The following IQGAP3 variants were observed in gnomAD, a reference collection of about 807,000 sequenced individuals.
IQGAP3 encodes the protein ras GTPase-activating-like protein IQGAP3.
Under a neutral mutation model 208.2 loss-of-function variants are expected in IQGAP3, and 165 were observed. The observed-to-expected ratio is 0.79, with a 90% CI of 0.70 to 0.90. The LOEUF is 0.90. Among genes scored for constraint, IQGAP3 ranks in the 40% least tolerant of loss-of-function variants. The probability of loss-of-function intolerance (pLI) is 0.00; values close to 1 mark genes in which losing one functional copy is unlikely to be tolerated. For synonymous variants in IQGAP3, 703 were observed against 803.6 expected (o/e 0.87, Z 2.12); for missense variants, 1,811 against 2,043.1 (o/e 0.89, Z 2.19).
Position 156,563,172 on chromosome 1 carries a change from G to A in IQGAP3, c.760C>T (p.Gln254Ter). 1.2e-6 allele frequency: 2 copies of A among 1,610,836 alleles called. No individual in the cohort carries two copies. Among genetic ancestry groups the A allele is most frequent in the African/African-American group, 1.3e-5 (1 of 75,000 alleles). The change falls in exon 8 of 38, where the codon CAG (glutamine) becomes TAG (stop). Residue 254 changes from glutamine to a stop codon, truncating the protein, a stop_gained. Transcript: ENST00000361170. LOFTEE classifies it high-confidence loss of function. ...LAAVYQEMLA[Q>*]AKMEKAANAR... ...TTGGCTGCCTTCTCCATCTTGGCCT[G>A]GGCCAGCATCTCTTGGTAGACGGCT...
Position 156,528,589 on chromosome 1 carries a change from C to T in IQGAP3, c.4593G>A (p.Lys1531=). 1 of 1,613,674 alleles carries T rather than the reference C, an allele frequency of 6.2e-7. No homozygotes were observed. The highest frequency in any genetic ancestry group is 8.5e-7 in the Non-Finnish European group (1 of 1,179,634). The change falls in exon 36 of 38, where the codon AAG becomes AAA. Residue 1531 remains lysine, a synonymous_variant. Coordinates refer to ENST00000361170, the MANE Select transcript of IQGAP3 (RefSeq NM_178229.5). The part of the protein sequence containing the change: ...PDSKSSGKGK[K]QPSLHYTAAQ... Reference sequence around the variant, plus strand: ...CAGCAGTGTAATGAAGAGAAGGCTGCTTCTTCCCCTTCCCAGAACTCCTGA... The same window carrying T: ...CAGCAGTGTAATGAAGAGAAGGCTGTTTCTTCCCCTTCCCAGAACTCCTGA...
intron 32 of IQGAP3, among the ~76,000 whole-genome samples, chr1:156,531,603 G>GT (rs34783419): frequency 0.27 from 32,621 of 120,386 alleles, 5,253 homozygotes; most frequent in East Asian, 0.52. Context: ...CAGCTCACTT[G>GT]TTTTTTTTTT....
chr1:156,555,834 T>C lies in IQGAP3; in HGVS notation c.1290+699A>G, dbSNP rs114116740. ...CACAACTTTAGTCACAATGCTTTACTTCTTAGTACTTATTTTATGCTTCCT... is the reference window on the plus strand; with the variant it reads ...CACAACTTTAGTCACAATGCTTTACCTCTTAGTACTTATTTTATGCTTCCT... On this transcript the variant is annotated intron_variant, in intron 12 of 37. Transcript: ENST00000361170. 9.7e-3 allele frequency among the ~76,000 whole-genome samples: 1,477 copies of C among 152,332 alleles called. 30 individuals carry two copies. Among genetic ancestry groups the C allele is most frequent in the African/African-American group, 0.034 (1,398 of 41,554 alleles).
Position 156,561,928 on chromosome 1 carries a change from T to C in IQGAP3, c.951A>G (p.Gln317=). ...CCCCTCGCAGGGCCAGGGCAGGGTC[T>C]TGAAGGGCCTTGAGCAAGGCTTCAG... ...QSPEALLKAL[Q]DPALALRGVR... Residue 317 remains glutamine (Q), a synonymous_variant, in exon 10 of 38, where the codon CAA becomes CAG. Transcript: ENST00000361170. 1.9e-6 allele frequency: 3 copies of C among 1,614,066 alleles called. No individual in the cohort carries two copies. The highest frequency in any genetic ancestry group is 2.5e-6 in the Non-Finnish European group (3 of 1,180,010).
At chr1:156,555,108 G>T (rs1675766186) in intron 12 of IQGAP3, among the ~76,000 whole-genome samples, 6 of 152,046 alleles carry the variant, frequency 3.9e-5, no homozygotes, top group Admixed American at 3.9e-4. Context: ...GATGAAGATG[G>T]AGTGGTCGCC....
At chr1:156,569,239 AT>A in intron 2 of IQGAP3, 136 bp downstream of exon 2, 3 of 543,486 alleles carry the variant, frequency 5.5e-6, no homozygotes, top group Non-Finnish European at 6.7e-6. Context: ...AAAAAAAAAA[AT>A]TAAAAAGCTA....
intron 12 of IQGAP3, among the ~76,000 whole-genome samples, chr1:156,556,246 G>C (rs538220385): frequency 2.0e-5 from 3 of 152,366 alleles, no homozygotes; most frequent in African/African-American, 7.2e-5. Flanking sequence ...ACTCACAGCT[G>C]TGTTGGGCAA....
chr1:156,548,485 C>G lies in IQGAP3; in HGVS notation c.1996G>C (p.Asp666His). ...SAMAKKQRPA[D>H]TAFWVQHDMK... ...TCATGTTGAACCCAGAAAGCTGTGTCTGCTAAGCAGAAACCAAGCAAGCAG... is the reference window on the plus strand; with the variant it reads ...TCATGTTGAACCCAGAAAGCTGTGTGTGCTAAGCAGAAACCAAGCAAGCAG... Residue 666 changes from aspartate to histidine, a missense_variant and splice_region_variant, in exon 18 of 38, where the codon GAC (aspartate) becomes CAC (histidine). By Grantham distance (81) the Asp-to-His change is moderately conservative. Transcript: ENST00000361170. 6.2e-7 allele frequency: 1 copy of G among 1,613,444 alleles called. No individual in the cohort carries two copies. The highest frequency in any genetic ancestry group is 1.3e-5 in the African/African-American group (1 of 74,928).
At chr1:156,566,329 C>A in intron 3 of IQGAP3, 61 bp downstream of exon 3, 2 of 1,534,640 alleles carry the variant, frequency 1.3e-6, no homozygotes, top group South Asian at 1.2e-5. Flanking sequence ...ACCCTCACAG[C>A]TTTGAGGAGA....
At chr1:156,533,700 C>T in intron 31 of IQGAP3, 73 bp downstream of exon 31, 2 of 1,261,280 alleles carry the variant, frequency 1.6e-6, no homozygotes, top group South Asian at 1.3e-5. Context: ...CGCTCACATG[C>T]CCTGCCTGCC....
Position 156,566,413 on chromosome 1 carries a change from C to T in IQGAP3, c.259G>A (p.Asp87Asn), listed in dbSNP as rs148959897. 3.1e-6 allele frequency: 5 copies of T among 1,614,026 alleles called. No homozygotes were observed. The highest frequency in any genetic ancestry group is 1.3e-5 in the African/African-American group (1 of 74,904). ...ACCTGGTACCGCAGCTGCTCCACAT[C>T]GTAGATCTTCTTCAAGGGAACCACG... is the stretch of plus-strand genomic sequence containing the variant. ...PSVVPLKKIY[D>N]VEQLRYQATG... Residue 87 changes from aspartate to asparagine, a missense_variant, in exon 3 of 38, where the codon GAT becomes AAT. Physicochemically the swap from Asp to Asn is conservative, Grantham distance 23. Coordinates refer to ENST00000361170, the MANE Select transcript of IQGAP3 (RefSeq NM_178229.5).
At chr1:156,564,796 G>T (rs1181309340) in intron 4 of IQGAP3, 105 bp from the exon 5 acceptor site, 3 of 784,908 alleles carry the variant, frequency 3.8e-6, no homozygotes, top group African/African-American at 3.4e-5. Flanking sequence ...CCTGAGGTGT[G>T]TGTTCCCTTG....
At chr1:156,534,827 T>C (rs1674615065) in intron 28 of IQGAP3, 94 bp from the exon 29 acceptor site, 1 of 930,922 alleles carries the variant, frequency 1.1e-6, no homozygotes, top group South Asian at 1.8e-5. Flanking sequence ...AAGGGACACC[T>C]GGGCCAACCC....
chr1:156,534,603 G>A lies in IQGAP3; in HGVS notation c.3638C>T (p.Ala1213Val), dbSNP rs1182441694. 1 of 1,612,592 alleles carries A rather than the reference G, an allele frequency of 6.2e-7. No individual in the cohort carries two copies. The highest frequency in any genetic ancestry group is 8.5e-7 in the Non-Finnish European group (1 of 1,179,750). ...APQRHALGAV[A>V]QLLQHAAAGK... ...AGCCGCAGCGTGCTGTAGGAGCTGA[G>A]CCACAGCCCCCAGGGCATGGCGCTG... Residue 1213 changes from alanine (A) to valine (V), a missense_variant, in exon 29 of 38, where the codon GCT (alanine) becomes GTT (valine). Transcript: ENST00000361170.
At position 156,552,040 on chromosome 1, in the gene IQGAP3, G is replaced by T. The variant is rs768151654; in HGVS notation, c.1504C>A (p.Leu502Met). 1 of 1,614,186 alleles carries T rather than the reference G, an allele frequency of 6.2e-7. No individual in the cohort carries two copies. Among genetic ancestry groups the T allele is most frequent in the Non-Finnish European group, 8.5e-7 (1 of 1,180,022 alleles). The part of the protein sequence containing the change: ...RQERGMGEDF[L>M]SWNDLQATVS... ...GTGGCCTGCAGGTCATTCCAGCTCAGGAAGTCCTCACCCATCCCACGCTCC... is the reference window on the plus strand; with the variant it reads ...GTGGCCTGCAGGTCATTCCAGCTCATGAAGTCCTCACCCATCCCACGCTCC... Residue 502 changes from leucine (L) to methionine (M), a missense_variant, in exon 14 of 38, where the codon CTG (leucine) becomes ATG (methionine). Coordinates refer to ENST00000361170, the MANE Select transcript of IQGAP3 (RefSeq NM_178229.5).
At chr1:156,568,038 T>A (rs912008213) in intron 2 of IQGAP3, among the ~76,000 whole-genome samples, 19 of 152,224 alleles carry the variant, frequency 1.2e-4, no homozygotes, top group African/African-American at 4.3e-4. Flanking sequence ...TCACTAAAAG[T>A]GGAACAAGCA....
chr1:156,555,208 C>T (rs549558604), intron 12 of IQGAP3, among the ~76,000 whole-genome samples: 73 of 152,216 alleles, frequency 4.8e-4, no homozygotes, highest in Middle Eastern at 3.4e-3. Context: ...CTGCTTATGC[C>T]GTGCCCTTTG....
chr1:156,539,255 G>C (rs1674860692), intron 25 of IQGAP3, 119 bp downstream of exon 25: 5 of 1,006,074 alleles, frequency 5.0e-6, no homozygotes, highest in Non-Finnish European at 7.4e-6. Context: ...GTAGAGAAAA[G>C]AGGTCTTCTG....
At chr1:156,534,477 A>T (rs764831151) in intron 29 of IQGAP3, 24 bp downstream of exon 29, 1 of 1,487,816 alleles carries the variant, frequency 6.7e-7, no homozygotes, top group Non-Finnish European at 9.1e-7. Context: ...AAGAAAGGGG[A>T]CAGAGAGGAA....
Sources: gnomAD v4.1 joint callset for allele counts (sites outside exome capture counted in the v4.1 genomes callset) on GRCh38, gnomAD v4.1.1 for gene constraint, MANE v1.5 for transcripts, NCBI Gene and HGNC (gene_info 2026-07-23, HGNC 2026-07-21) for gene names.